The following RNLS variants were observed in gnomAD, a reference collection of about 807,000 sequenced individuals.
RNLS encodes the protein renalase.
Under a neutral mutation model 39.8 loss-of-function variants are expected in RNLS, and 39 were observed. The ratio of observed to expected loss-of-function variants is 0.98; its 90% CI spans 0.76 to 1.28. The LOEUF (loss-of-function observed/expected upper bound fraction) is 1.28. Among genes scored for constraint, RNLS ranks in the 50% most tolerant of loss-of-function variants. The pLI is 0.00. For missense variants in RNLS, 410 were observed against 413.3 expected (o/e 0.99, Z 0.07); for synonymous variants, 147 against 150.7 (o/e 0.98, Z 0.18).
At chr10:88,583,036 T>A in intron 1 of RNLS, 37 bp downstream of exon 1, 1 of 1,598,898 alleles carries the variant, frequency 6.3e-7, no homozygotes, top group Middle Eastern at 1.7e-4. Context: ...TGCCCGGCAG[T>A]CCTCTTTTCC....
At chr10:88,407,232 C>T (rs792205) in intron 4 of RNLS, among the ~76,000 whole-genome samples, 88,740 of 151,796 alleles carry the variant, frequency 0.58, 25,996 homozygotes, top group African/African-American at 0.63. Context: ...TCTCAAACTC[C>T]GTGTGCATGT....
intron 4 of RNLS, among the ~76,000 whole-genome samples, chr10:88,375,013 C>A (rs949653850): frequency 6.6e-5 from 10 of 152,102 alleles, no homozygotes; most frequent in African/African-American, 2.4e-4. Context: ...CACTACTAAG[C>A]CAGTTTCCTT....
chr10:88,427,490 T>C (rs1854858505), intron 4 of RNLS, among the ~76,000 whole-genome samples: 1 of 151,988 alleles, frequency 6.6e-6, no homozygotes, highest in South Asian at 2.1e-4. Flanking sequence ...AAGTAAGATA[T>C]TTCACCTACC....
chr10:88,556,455 G>T (rs141018940), intron 4 of RNLS, among the ~76,000 whole-genome samples: 1 of 152,204 alleles, frequency 6.6e-6, no homozygotes, highest in East Asian at 1.9e-4. Context: ...CAAAACAACA[G>T]CAAGGTAAAT....
intron 4 of RNLS, among the ~76,000 whole-genome samples, chr10:88,447,948 T>C (rs1051278100): frequency 4.6e-5 from 7 of 152,214 alleles, no homozygotes; most frequent in African/African-American, 7.2e-5. Context: ...GAAAACTGGC[T>C]AGCTATATGT....
At chr10:88,368,807 A>G (rs1430215167) in intron 4 of RNLS, among the ~76,000 whole-genome samples, 2 of 152,086 alleles carry the variant, frequency 1.3e-5, no homozygotes, top group Non-Finnish European at 2.9e-5. Context: ...TCCTTAAGAT[A>G]GATATTGAAA....
At chr10:88,198,476 A>G in the RNLS span, among the ~76,000 whole-genome samples, 2 of 152,094 alleles carry the variant, frequency 1.3e-5, no homozygotes, top group African/African-American at 4.8e-5. Flanking sequence ...TACGATGCAT[A>G]TTTTATCAAG....
At chr10:88,540,865 T>C (rs1281664958) in intron 4 of RNLS, among the ~76,000 whole-genome samples, 1 of 151,934 alleles carries the variant, frequency 6.6e-6, no homozygotes, top group Non-Finnish European at 1.5e-5. Context: ...CATAATTTAC[T>C]ACAAAGAAAG....
the RNLS span, among the ~76,000 whole-genome samples, chr10:88,219,513 T>C: frequency 6.6e-6 from 1 of 152,322 alleles, no homozygotes; most frequent in East Asian, 1.9e-4. Flanking sequence ...CCCAGCAAAC[T>C]TAACTGTTGG....
At chr10:88,366,239 T>C (rs1312020344) in intron 4 of RNLS, among the ~76,000 whole-genome samples, 2 of 152,122 alleles carry the variant, frequency 1.3e-5, no homozygotes, top group African/African-American at 2.4e-5. Flanking sequence ...CTGAGGATTT[T>C]ACTTGGATTT....
chr10:88,504,509 T>C (rs1176753685), intron 4 of RNLS, among the ~76,000 whole-genome samples: 1 of 152,128 alleles, frequency 6.6e-6, no homozygotes, highest in Non-Finnish European at 1.5e-5. Context: ...ATGGAAACTT[T>C]TCCATTTTTA....
intron 6 of RNLS, among the ~76,000 whole-genome samples, chr10:88,278,487 G>A (rs1441157740): frequency 6.6e-6 from 1 of 152,096 alleles, no homozygotes; most frequent in Non-Finnish European, 1.5e-5. Context: ...AATAAACCCT[G>A]CTTACATGTC....
At chr10:88,260,510 CAAAT>C in the RNLS span, among the ~76,000 whole-genome samples, 1 of 152,134 alleles carries the variant, frequency 6.6e-6, no homozygotes. Context: ...CATCAAAGAA[CAAAT>C]AAAGGGCAGA....
At chr10:88,290,672 T>C (rs1252487759) in intron 6 of RNLS, among the ~76,000 whole-genome samples, 1 of 152,238 alleles carries the variant, frequency 6.6e-6, no homozygotes, top group African/African-American at 2.4e-5. Context: ...AATACATTGG[T>C]GAAGCCATTC....
At chr10:88,288,906 G>A (rs150569732) in intron 6 of RNLS, among the ~76,000 whole-genome samples, 305 of 152,290 alleles carry the variant, frequency 2.0e-3, no homozygotes, top group African/African-American at 6.8e-3. Context: ...GGAGGAGCAC[G>A]TAATTGTCAA....
chr10:88,535,940 A>G (rs1847732720), intron 4 of RNLS, among the ~76,000 whole-genome samples: 1 of 152,200 alleles, frequency 6.6e-6, no homozygotes. Context: ...ATAAAAGATA[A>G]TGCTAAGATT....
At chr10:88,299,425 C>T (rs991288799) in intron 6 of RNLS, among the ~76,000 whole-genome samples, 1 of 152,046 alleles carries the variant, frequency 6.6e-6, no homozygotes, top group Non-Finnish European at 1.5e-5. Flanking sequence ...GAGTTTAAGA[C>T]CAGCCTGGCC....
intron 4 of RNLS, among the ~76,000 whole-genome samples, chr10:88,421,437 C>T (rs916403960): frequency 3.9e-5 from 6 of 152,188 alleles, no homozygotes; most frequent in South Asian, 4.1e-4. Context: ...ATCTGTGACA[C>T]GGCCTTGTCC....
chr10:88,320,024 A>G lies in RNLS; in HGVS notation c.701-5383T>C, dbSNP rs1846060423. Among the ~76,000 whole-genome samples the G allele has an allele frequency of 2.6e-5, 4 of 152,170 alleles. No individual in the cohort carries two copies. The South Asian group carries it at 8.3e-4, about 32-fold the overall frequency. ...AGGTCAACATGAAAAAAAAATTCTC[A>G]AAGGGAGGCACCTGAAAAAAAGGGA... On this transcript the variant is annotated intron_variant, in intron 5 of 6. Coordinates refer to ENST00000331772, the MANE Select transcript of RNLS (RefSeq NM_001031709.3).
Sources: allele counts gnomAD v4.1 joint callset (sites outside exome capture counted in the v4.1 genomes callset), GRCh38; gene constraint gnomAD v4.1.1; transcripts MANE v1.5; gene names NCBI Gene and HGNC (gene_info 2026-07-23, HGNC 2026-07-21).